Variants in DPY19L1 observed in about 807,000 individuals in gnomAD.
DPY19L1 encodes protein C-mannosyl-transferase DPY19L1.
In DPY19L1, 35 loss-of-function variants were observed where a neutral mutation model predicts 96.9. The observed-to-expected ratio is 0.36, with a 90% CI of 0.28 to 0.48. The LOEUF (loss-of-function observed/expected upper bound fraction) is 0.48. Ranked by LOEUF, DPY19L1 falls within the 20% of genes least tolerant of loss-of-function variation. The pLI is 0.99. For missense variants in DPY19L1, 521 were observed against 777.9 expected (o/e 0.67, Z 3.93); for synonymous variants, 205 against 252.6 (o/e 0.81, Z 1.79).
intron 6 of DPY19L1, among the ~76,000 whole-genome samples, chr7:34,997,635 T>G (rs538692493): frequency 3.2e-5 from 4 of 126,598 alleles, no homozygotes; most frequent in Admixed American, 1.6e-4. Context: ...AAAAAAAAAG[T>G]AGCTGGAAAA....
At chr7:35,025,746 C>G (rs1249483110) in intron 1 of DPY19L1, among the ~76,000 whole-genome samples, 1 of 152,162 alleles carries the variant, frequency 6.6e-6, no homozygotes, top group Non-Finnish European at 1.5e-5. Flanking sequence ...ACAGCAAGAG[C>G]CAGATTTTTC....
chr7:34,939,034 T>C, intron 20 of DPY19L1: 1 of 378,498 alleles, frequency 2.6e-6, no homozygotes. Flanking sequence ...TGCTATAGTA[T>C]GACTTCGTTT....
chr7:35,009,603 T>C (rs1349548668), intron 6 of DPY19L1, among the ~76,000 whole-genome samples: 3 of 152,206 alleles, frequency 2.0e-5, no homozygotes, highest in South Asian at 4.1e-4. Flanking sequence ...TGATAATGAG[T>C]GGTCTTTTCC....
chr7:35,037,135 C>G lies in DPY19L1; in HGVS notation c.260G>C (p.Arg87Pro), dbSNP rs546482732. The change falls in exon 1 of 22, where the codon CGC becomes CCC. Residue 87 changes from arginine to proline, a missense_variant. By Grantham distance (103) the Arg-to-Pro change is moderately radical (BLOSUM62 -2). Coordinates refer to ENST00000638088, the MANE Select transcript of DPY19L1 (RefSeq NM_001366673.1). ...GGTCCAGGTCCGGCCGCGCCCCGCG[C>G]GCCGCAGGCCCAGCGCCCAGCGCAG... ...ARLRWALGLR[R>P]AGRGRTWTTL... 55 of 197,874 alleles carry G rather than the reference C, an allele frequency of 2.8e-4. No individual in the cohort carries two copies. The highest frequency in any genetic ancestry group is 2.8e-4 in the Non-Finnish European group (28 of 98,292). 12.3% of individuals were successfully genotyped at this position (197,874 alleles called of 1,614,324 possible).
chr7:34,978,842 G>C (rs1784881616), intron 7 of DPY19L1, among the ~76,000 whole-genome samples: 1 of 152,016 alleles, frequency 6.6e-6, no homozygotes, highest in Non-Finnish European at 1.5e-5. Context: ...TTTCCTTTGA[G>C]AGTCATGTTG....
At chr7:35,027,784 G>A (rs1190474460) in intron 1 of DPY19L1, among the ~76,000 whole-genome samples, 1 of 151,936 alleles carries the variant, frequency 6.6e-6, no homozygotes, top group East Asian at 1.9e-4. Flanking sequence ...GTTGCAGTGA[G>A]CCAAAATTGC....
At chr7:35,036,001 T>C (rs1447080910) in intron 1 of DPY19L1, among the ~76,000 whole-genome samples, 1 of 150,372 alleles carries the variant, frequency 6.7e-6, no homozygotes, top group Non-Finnish European at 1.5e-5. Flanking sequence ...GAATCGGCAA[T>C]GGGGGGAAAA....
At chr7:34,936,670 C>A (rs1216825916) in intron 21 of DPY19L1, among the ~76,000 whole-genome samples, 1 of 152,160 alleles carries the variant, frequency 6.6e-6, no homozygotes, top group East Asian at 1.9e-4. Flanking sequence ...TACATATTCA[C>A]AAACGCTTAA....
At position 34,963,711 on chromosome 7, in the gene DPY19L1, CGTGT is replaced by C. The variant is rs370121293; in HGVS notation, c.1092+3179_1092+3182del. On this transcript the variant is annotated intron_variant, in intron 10 of 21. Coordinates refer to ENST00000638088, the MANE Select transcript of DPY19L1 (RefSeq NM_001366673.1). ...ATAAGCAGAATCGTGTGTGTGTGTG[CGTGT>C]GTGTGTGTGTCTGTGTACACACCAT... 1.4e-4 allele frequency among the ~76,000 whole-genome samples: 19 copies of C among 137,294 alleles called. No individual in the cohort carries two copies. In the East Asian group the frequency reaches 2.7e-3, roughly 19 times the overall value. 90.1% of individuals were successfully genotyped at this position (137,294 alleles called of 152,430 possible). A position where few individuals can be genotyped will look rare whatever the true frequency, so the allele number is the denominator to read the frequency against.
intron 1 of DPY19L1, among the ~76,000 whole-genome samples, chr7:35,019,665 TTTATTC>T (rs1307476901): frequency 6.6e-6 from 1 of 152,174 alleles, no homozygotes; most frequent in Non-Finnish European, 1.5e-5. Flanking sequence ...ATCTTATTGT[TTTATTC>T]TTAAAGTCAG....
At chr7:35,008,401 A>C (rs543761618) in intron 6 of DPY19L1, among the ~76,000 whole-genome samples, 36 of 152,296 alleles carry the variant, frequency 2.4e-4, no homozygotes, top group African/African-American at 8.2e-4. Context: ...AACCACCAAA[A>C]ACCCCTCAAC....
Position 35,027,528 on chromosome 7 carries a change from T to G in DPY19L1, c.299-8932A>C, listed in dbSNP as rs182330520. Among the ~76,000 whole-genome samples, 22 of 152,124 alleles carry G rather than the reference T, an allele frequency of 1.4e-4. No individual in the cohort carries two copies. In the East Asian group the frequency reaches 3.7e-3, roughly 26 times the overall value. On this transcript the variant is annotated intron_variant, in intron 1 of 21. Coordinates refer to ENST00000638088, the MANE Select transcript of DPY19L1 (RefSeq NM_001366673.1). Reference sequence around the variant, plus strand: ...GTTTCAAAGTGAGAAGCAAGATTGCTTTTAAAATTCAGTCATGAAGGCCGG... The same window carrying G: ...GTTTCAAAGTGAGAAGCAAGATTGCGTTTAAAATTCAGTCATGAAGGCCGG...
At chr7:35,018,469 C>A in intron 2 of DPY19L1, 103 bp downstream of exon 2, 2 of 1,034,704 alleles carry the variant, frequency 1.9e-6, no homozygotes, top group South Asian at 2.8e-5. Context: ...AATATATATT[C>A]ATACTGATCA....
At chr7:34,957,390 A>C (rs1371479988) in intron 11 of DPY19L1, among the ~76,000 whole-genome samples, 3 of 151,440 alleles carry the variant, frequency 2.0e-5, no homozygotes, top group East Asian at 3.9e-4. Context: ...AAACAAAACA[A>C]AACAAACAAA....
chr7:35,034,792 T>C (rs1193904617), intron 1 of DPY19L1, among the ~76,000 whole-genome samples: 2 of 152,238 alleles, frequency 1.3e-5, no homozygotes, highest in Admixed American at 6.5e-5. Context: ...GTTGTTATAA[T>C]TGTTCTTTTT....
Position 34,939,507 on chromosome 7 carries a change from G to A in DPY19L1, c.1865-132C>T, listed in dbSNP as rs979204123. 16 of 624,630 alleles carry A rather than the reference G, an allele frequency of 2.6e-5. No individual in the cohort carries two copies. The African/African-American group carries it at 2.6e-4, about 10-fold the overall frequency. The allele number at this position is 624,630 out of a possible 1,614,324, so 38.7% of individuals were successfully genotyped here. On this transcript the variant is annotated intron_variant, in intron 19 of 21. Transcript: ENST00000638088. ...AGGTTCATGACTTCAAGATTCAATG[G>A]CAGAACTAGCATGAAGTCAGATGGC...
At chr7:35,033,586 A>C (rs1786314091) in intron 1 of DPY19L1, among the ~76,000 whole-genome samples, 3 of 152,202 alleles carry the variant, frequency 2.0e-5, no homozygotes, top group African/African-American at 7.2e-5. Context: ...AGAAATATTA[A>C]AGGAGTGTAG....
intron 16 of DPY19L1, among the ~76,000 whole-genome samples, chr7:34,944,168 G>A (rs1456369505): frequency 1.3e-5 from 2 of 151,836 alleles, no homozygotes; most frequent in African/African-American, 2.4e-5. Flanking sequence ...TTCAAGACCA[G>A]CCTGGCCAAT....
chr7:34,955,042 C>T (rs1183725933), intron 12 of DPY19L1, among the ~76,000 whole-genome samples: 1 of 147,150 alleles, frequency 6.8e-6, no homozygotes, highest in East Asian at 2.0e-4. Context: ...GTTAAATTCC[C>T]TTTAACAGTT....
Sources: allele counts gnomAD v4.1 joint callset (sites outside exome capture counted in the v4.1 genomes callset), GRCh38; gene constraint gnomAD v4.1.1; transcripts MANE v1.5; gene names NCBI Gene and HGNC (gene_info 2026-07-23, HGNC 2026-07-21).